The following LSAMP variants were observed in gnomAD, a reference collection of about 807,000 sequenced individuals.
The protein encoded by LSAMP is limbic system associated membrane protein, also known as limbic system-associated membrane protein.
Under a neutral mutation model 38.6 loss-of-function variants are expected in LSAMP, and 7 were observed. The observed-to-expected ratio is 0.18, with a 90% CI of 0.10 to 0.34. The LOEUF is 0.34. LSAMP is among the 10% of genes least tolerant of loss of function. The pLI is 1.00. For missense variants in LSAMP, 313 were observed against 420.0 expected (o/e 0.75, Z 2.23); for synonymous variants, 154 against 166.8 (o/e 0.92, Z 0.59).
At chr3:116,117,849 T>A (rs1490426269) in intron 1 of LSAMP, among the ~76,000 whole-genome samples, 1 of 152,246 alleles carries the variant, frequency 6.6e-6, no homozygotes, top group Non-Finnish European at 1.5e-5. Context: ...GACTCTGACC[T>A]GGATGACCTG....
chr3:116,168,906 A>G (rs1239052947), intron 1 of LSAMP, among the ~76,000 whole-genome samples: 1 of 152,154 alleles, frequency 6.6e-6, no homozygotes, highest in East Asian at 1.9e-4. Context: ...CTATTTTGAG[A>G]GAGATAGAGA....
chr3:116,358,400 T>A (rs1393716290), intron 1 of LSAMP, among the ~76,000 whole-genome samples: 2 of 152,136 alleles, frequency 1.3e-5, no homozygotes, highest in Non-Finnish European at 2.9e-5. Context: ...GGGGAGTTGC[T>A]GGATGACAAT....
intron 1 of LSAMP, among the ~76,000 whole-genome samples, chr3:116,348,173 T>C (rs1161700318): frequency 6.6e-6 from 1 of 152,102 alleles, no homozygotes; most frequent in African/African-American, 2.4e-5. Flanking sequence ...AATTTTACAA[T>C]TGAATAAATT....
chr3:115,939,526 C>CTT (rs1937822352), intron 3 of LSAMP, among the ~76,000 whole-genome samples: 2 of 115,624 alleles, frequency 1.7e-5, no homozygotes, highest in Non-Finnish European at 1.9e-5. Context: ...TTTATGTTCT[C>CTT]TTTCTCTTTC....
chr3:116,425,908 T>G (rs1161587964), intron 1 of LSAMP, among the ~76,000 whole-genome samples: 1 of 150,954 alleles, frequency 6.6e-6, no homozygotes, highest in African/African-American at 2.4e-5. Context: ...AAAGGAAAGA[T>G]GGACTTGATA....
chr3:116,093,321 A>C (rs775664658), intron 1 of LSAMP, among the ~76,000 whole-genome samples: 2 of 152,216 alleles, frequency 1.3e-5, no homozygotes, highest in Admixed American at 6.5e-5. Flanking sequence ...CCCAATCACA[A>C]AGATGTATCT....
At chr3:116,233,520 T>G (rs948503193) in intron 1 of LSAMP, among the ~76,000 whole-genome samples, 4 of 151,648 alleles carry the variant, frequency 2.6e-5, no homozygotes, top group African/African-American at 7.3e-5. Flanking sequence ...AAATACACAT[T>G]AAATTACTGT....
chr3:116,418,434 G>A (rs553219050), intron 1 of LSAMP, among the ~76,000 whole-genome samples: 33 of 152,002 alleles, frequency 2.2e-4, no homozygotes, highest in South Asian at 1.0e-3. Flanking sequence ...CACTTGTCAC[G>A]TTAAGCCAAC....
At chr3:116,411,790 G>GA (rs201174808) in intron 1 of LSAMP, among the ~76,000 whole-genome samples, 2,415 of 143,962 alleles carry the variant, frequency 0.017, 38 homozygotes, top group Non-Finnish European at 0.025. Context: ...AATAAAAGAA[G>GA]AAAAAAAAAA....
chr3:116,095,282 C>T (rs962572832), intron 1 of LSAMP, among the ~76,000 whole-genome samples: 1 of 152,164 alleles, frequency 6.6e-6, no homozygotes, highest in South Asian at 2.1e-4. Context: ...ATGGCAAAAC[C>T]CAGACAAGCT....
chr3:115,999,253 T>C (rs1319269532), intron 3 of LSAMP, among the ~76,000 whole-genome samples: 1 of 152,206 alleles, frequency 6.6e-6, no homozygotes, highest in Admixed American at 6.5e-5. Context: ...TGAACAATGT[T>C]TCTTTTCCCT....
chr3:115,820,188 A>G (rs1934184489), intron 6 of LSAMP, among the ~76,000 whole-genome samples: 1 of 152,148 alleles, frequency 6.6e-6, no homozygotes, highest in African/African-American at 2.4e-5. Flanking sequence ...CTGCATTGCC[A>G]GGGATATAAT....
At chr3:116,017,892 C>G (rs1940529835) in intron 3 of LSAMP, among the ~76,000 whole-genome samples, 1 of 152,120 alleles carries the variant, frequency 6.6e-6, no homozygotes. Flanking sequence ...CCAATAGCTT[C>G]TATACCAAAT....
At chr3:115,866,563 C>T (rs1253225498) in intron 3 of LSAMP, among the ~76,000 whole-genome samples, 6 of 152,130 alleles carry the variant, frequency 3.9e-5, no homozygotes, top group Admixed American at 1.3e-4. Context: ...TGGAGGGCTA[C>T]TGACCTTCTC....
At chr3:116,234,178 A>G (rs2046437954) in intron 1 of LSAMP, among the ~76,000 whole-genome samples, 1 of 152,282 alleles carries the variant, frequency 6.6e-6, no homozygotes, top group South Asian at 2.1e-4. Context: ...TCTGTTGTAT[A>G]TGTTGAATAG....
At chr3:116,269,949 G>A (rs2046947900) in intron 1 of LSAMP, among the ~76,000 whole-genome samples, 1 of 152,104 alleles carries the variant, frequency 6.6e-6, no homozygotes, top group East Asian at 1.9e-4. Context: ...AAATGAATGT[G>A]TGTCTACACG....
chr3:116,271,115 C>T (rs186644159), intron 1 of LSAMP, among the ~76,000 whole-genome samples: 16 of 151,824 alleles, frequency 1.1e-4, no homozygotes, highest in Admixed American at 7.9e-4. Flanking sequence ...GAGTTGATGG[C>T]CAAGAAGGAA....
rs1011733592 is a variant in LSAMP at position 116,051,838 on chromosome 3, G to T, written c.389-32198C>A. On this transcript the variant is annotated intron_variant, in intron 2 of 6. Transcript: ENST00000490035. The stretch of plus-strand genomic sequence containing the variant: ...GTGAAATGGTGCAGGGGGCTGGGGA[G>T]GGGGTGATTTAATTTTCCTCTGCGG... 2.6e-5 allele frequency among the ~76,000 whole-genome samples: 4 copies of T among 152,056 alleles called. No individual in the cohort carries two copies. The East Asian group carries it at 7.7e-4, about 29-fold the overall frequency.
intron 1 of LSAMP, among the ~76,000 whole-genome samples, chr3:116,201,627 A>G (rs1289686679): frequency 6.6e-6 from 1 of 150,916 alleles, no homozygotes; most frequent in Non-Finnish European, 1.5e-5. Flanking sequence ...CTTCTGTAAA[A>G]GGAGAATGAT....
Sources: allele counts gnomAD v4.1 joint callset (sites outside exome capture counted in the v4.1 genomes callset), GRCh38; gene constraint gnomAD v4.1.1; transcripts MANE v1.5; gene names NCBI Gene and HGNC (gene_info 2026-07-23, HGNC 2026-07-21).